Variants in COL21A1 observed in about 807,000 individuals in gnomAD.
COL21A1 encodes collagen alpha-1(XXI) chain.
COL21A1 carries 149 observed loss-of-function variants against 137.9 expected under a neutral mutation model. The observed-to-expected ratio is 1.08, with a 90% CI of 0.95 to 1.24. The LOEUF (loss-of-function observed/expected upper bound fraction) is 1.24, where lower values mean the gene tolerates loss of function less well. Among genes scored for constraint, COL21A1 ranks in the 50% most tolerant of loss-of-function variants. The pLI, the probability that COL21A1 is intolerant of heterozygous loss-of-function variation, is 0.00. For synonymous variants in COL21A1, 456 were observed against 391.5 expected (o/e 1.16, Z -1.95); for missense variants, 1,167 against 1,158.4 (o/e 1.01, Z -0.11).
At chr6:56,184,729 C>T (rs1028398342) in intron 1 of COL21A1, among the ~76,000 whole-genome samples, 2 of 152,082 alleles carry the variant, frequency 1.3e-5, no homozygotes, top group African/African-American at 4.8e-5. Context: ...GTTCCTTGAC[C>T]AAAGGGCATT....
chr6:56,160,462 C>T (rs1455665415), intron 9 of COL21A1, among the ~76,000 whole-genome samples: 1 of 151,866 alleles, frequency 6.6e-6, no homozygotes, highest in African/African-American at 2.4e-5. Flanking sequence ...TTCCTGTCCA[C>T]AATAATACAC....
chr6:56,194,796 G>A (rs4140573), intron 1 of COL21A1, among the ~76,000 whole-genome samples: 95,120 of 151,792 alleles, frequency 0.63, 30,092 homozygotes, highest in East Asian at 0.86. Flanking sequence ...GTTTGTAGAT[G>A]AAGGGTCTTC....
chr6:56,295,763 A>G (rs1326342991), intron 1 of COL21A1, among the ~76,000 whole-genome samples: 5 of 136,872 alleles, frequency 3.7e-5, no homozygotes, highest in African/African-American at 1.2e-4. Flanking sequence ...TAGGGAAAAA[A>G]TTGACTTTTT....
At chr6:56,183,524 G>C (rs1778052393) in intron 1 of COL21A1, among the ~76,000 whole-genome samples, 1 of 152,120 alleles carries the variant, frequency 6.6e-6, no homozygotes, top group African/African-American at 2.4e-5. Flanking sequence ...AGTTCCTTCT[G>C]GTGAGCCTTA....
intron 22 of COL21A1, among the ~76,000 whole-genome samples, chr6:56,067,660 T>G (rs1305318640): frequency 6.6e-6 from 1 of 151,748 alleles, no homozygotes; most frequent in African/African-American, 2.4e-5. Flanking sequence ...TTTTGACAAA[T>G]GTTGTTTTAT....
At position 56,333,596 on chromosome 6, in the gene COL21A1, C is replaced by T. The variant is rs188931451; in HGVS notation, c.-39+60375G>A. Among the ~76,000 whole-genome samples the T allele has an allele frequency of 1.3e-4, 20 of 152,178 alleles. No homozygotes were observed. In the East Asian group the frequency reaches 1.3e-3, roughly 10 times the overall value. On this transcript the variant is annotated intron_variant, in intron 1 of 28. Transcript: ENST00000370819. ...CAAATAAAGCTGCTATGAACATTCA[C>T]GTGTTAAGTCTTTGTATGGATGTAT...
chr6:56,324,995 C>T lies in COL21A1; in HGVS notation c.-39+68976G>A, dbSNP rs188311056. ...AAAGAATATGAACAAACAGATCTTG[C>T]CAAGTTTCTCCTAGTTTATTACCAT... is the stretch of plus-strand genomic sequence containing the variant. On this transcript the variant is annotated intron_variant, in intron 1 of 28. Transcript: ENST00000370819. Among the ~76,000 whole-genome samples, 489 of 151,422 alleles carry T rather than the reference C, an allele frequency of 3.2e-3. 15 individuals are homozygous for T. The highest frequency in any genetic ancestry group is 0.03 in the Admixed American group (446 of 15,050).
chr6:56,170,952 A>G lies in COL21A1; in HGVS notation c.809+8T>C. On this transcript the variant is annotated splice_region_variant and intron_variant, in intron 4 of 29. Transcript: ENST00000244728. The stretch of plus-strand genomic sequence containing the variant: ...CCCAAAAAAGTTGTGTCAACATATA[A>G]TGCATACCTTGTGAGTTCTGATAAA... 3.8e-6 allele frequency: 6 copies of G among 1,599,596 alleles called. No individual in the cohort carries two copies. The highest frequency in any genetic ancestry group is 5.1e-6 in the Non-Finnish European group (6 of 1,173,430).
intron 22 of COL21A1, among the ~76,000 whole-genome samples, chr6:56,067,690 T>C (rs1766387200): frequency 6.6e-6 from 1 of 151,696 alleles, no homozygotes; most frequent in Admixed American, 6.6e-5. Context: ...CTGAAAATCT[T>C]CCATTAAGCT....
chr6:56,181,801 C>A (rs986847043), intron 2 of COL21A1, among the ~76,000 whole-genome samples: 5 of 151,930 alleles, frequency 3.3e-5, no homozygotes, highest in African/African-American at 1.2e-4. Flanking sequence ...CTAGGTAAGC[C>A]CCTTAACTTA....
chr6:56,368,596 C>G (rs557908121), intron 1 of COL21A1, among the ~76,000 whole-genome samples: 1 of 152,216 alleles, frequency 6.6e-6, no homozygotes, highest in Non-Finnish European at 1.5e-5. Flanking sequence ...GAACCAGGTT[C>G]TTACTCCACA....
intron 9 of COL21A1, among the ~76,000 whole-genome samples, chr6:56,162,190 C>A (rs1033570185): frequency 1.3e-5 from 2 of 152,148 alleles, no homozygotes; most frequent in African/African-American, 4.8e-5. Flanking sequence ...CATACAGGTC[C>A]ATGTTCTGGG....
At position 56,232,082 on chromosome 6, in the gene COL21A1, A is replaced by G. The variant is rs12193268; in HGVS notation, c.-39+15305T>C. On this transcript the variant is annotated intron_variant, in intron 1 of 29. Transcript: ENST00000244728. Reference sequence around the variant, plus strand: ...CTGCCAAGTGGGATGGCAAGAGAGAACTAGTACATATAACCTTAAATTGTG... The same window carrying G: ...CTGCCAAGTGGGATGGCAAGAGAGAGCTAGTACATATAACCTTAAATTGTG... Among the ~76,000 whole-genome samples, 213 of 152,020 alleles carry G rather than the reference A, an allele frequency of 1.4e-3. 1 individual carries two copies. Among genetic ancestry groups the G allele is most frequent in the Non-Finnish European group, 2.3e-3 (158 of 67,864 alleles).
chr6:56,241,953 C>T (rs1007689785), intron 1 of COL21A1, among the ~76,000 whole-genome samples: 1 of 152,112 alleles, frequency 6.6e-6, no homozygotes, highest in African/African-American at 2.4e-5. Flanking sequence ...CTCTCTGAAA[C>T]AGACTTTAGC....
intron 1 of COL21A1, among the ~76,000 whole-genome samples, chr6:56,326,639 C>A (rs1355075330): frequency 6.6e-6 from 1 of 151,992 alleles, no homozygotes; most frequent in East Asian, 1.9e-4. Flanking sequence ...GACAATTTTA[C>A]AATCTTACCT....
intron 12 of COL21A1, among the ~76,000 whole-genome samples, chr6:56,139,757 T>G (rs1235759750): frequency 2.0e-5 from 3 of 152,158 alleles, no homozygotes; most frequent in Admixed American, 1.3e-4. Flanking sequence ...AGTTTTTCGA[T>G]GTTGGAGGCC....
intron 1 of COL21A1, among the ~76,000 whole-genome samples, chr6:56,266,804 A>G (rs942377532): frequency 6.6e-6 from 1 of 152,250 alleles, no homozygotes; most frequent in African/African-American, 2.4e-5. Flanking sequence ...TCTTTAAAGA[A>G]TGTATTGAAT....
intron 1 of COL21A1, among the ~76,000 whole-genome samples, chr6:56,189,493 T>C (rs189099437): frequency 1.6e-4 from 24 of 152,202 alleles, no homozygotes; most frequent in Admixed American, 9.2e-4. Flanking sequence ...CTATATTTGA[T>C]TGATGTACCT....
At chr6:56,159,776 T>G (rs1006381907) in intron 9 of COL21A1, among the ~76,000 whole-genome samples, 43 of 152,012 alleles carry the variant, frequency 2.8e-4, no homozygotes, top group African/African-American at 8.9e-4. Context: ...ACCTAAGATA[T>G]CAAAAGGATT....
Sources: gnomAD v4.1 joint callset for allele counts (sites outside exome capture counted in the v4.1 genomes callset) on GRCh38, gnomAD v4.1.1 for gene constraint, MANE v1.5 for transcripts, NCBI Gene and HGNC (gene_info 2026-07-23, HGNC 2026-07-21) for gene names.